TENM3: variants seen among roughly 807,000 people sequenced by gnomAD.
TENM3 encodes the protein teneurin transmembrane protein 3.
A neutral mutation model predicts 255.1 loss-of-function variants in TENM3; 63 were observed. The ratio of observed to expected loss-of-function variants is 0.25; its 90% CI spans 0.20 to 0.30. The LOEUF (loss-of-function observed/expected upper bound fraction) is 0.30, where lower values mean the gene tolerates loss of function less well. TENM3 is among the 10% of genes least tolerant of loss of function. TENM3 has a pLI of 1.00. For synonymous variants in TENM3, 1,306 were observed against 1,322.3 expected, an observed-to-expected ratio of 0.99 and a Z score of 0.27; for missense variants, 2,929 against 3,461.1, an observed-to-expected ratio of 0.85 and a Z score of 3.86.
intron 1 of TENM3, chr4:182,190,455 A>G (rs1753442959): frequency 6.6e-6 from 1 of 152,188 alleles, no homozygotes; most frequent in African/African-American, 2.4e-5. Context: ...TCATTCAGTG[A>G]GGTTAGAATT....
the TENM3 span, among the ~76,000 whole-genome samples, chr4:181,863,817 C>T: frequency 6.6e-6 from 1 of 152,008 alleles, no homozygotes; most frequent in South Asian, 2.1e-4. Flanking sequence ...GAAAAAGACC[C>T]CATAGTAACA....
chr4:182,146,880 T>C (rs1024839345), intron 1 of TENM3, among the ~76,000 whole-genome samples: 1 of 152,208 alleles, frequency 6.6e-6, no homozygotes, highest in African/African-American at 2.4e-5. Context: ...TGCATGGCTG[T>C]GTTTATTTTC....
chr4:182,485,966 C>T (rs1257777301), intron 3 of TENM3, among the ~76,000 whole-genome samples: 1 of 152,044 alleles, frequency 6.6e-6, no homozygotes, highest in Admixed American at 6.6e-5. Context: ...GAGGAAATCA[C>T]GTTTAAGCTG....
chr4:181,527,865 T>C, the TENM3 span, among the ~76,000 whole-genome samples: 2 of 152,100 alleles, frequency 1.3e-5, no homozygotes, highest in African/African-American at 4.8e-5. Context: ...ATAAAGCAGT[T>C]TGTAAATTAC....
chr4:182,114,358 A>C, the TENM3 span, among the ~76,000 whole-genome samples: 1 of 151,216 alleles, frequency 6.6e-6, no homozygotes, highest in Non-Finnish European at 1.5e-5. Context: ...TAAACCACTC[A>C]AAATATTAAT....
At chr4:181,980,818 T>C in the TENM3 span, among the ~76,000 whole-genome samples, 1 of 152,256 alleles carries the variant, frequency 6.6e-6, no homozygotes, top group South Asian at 2.1e-4. Context: ...GCTTCTCATC[T>C]TTTGCAAAAT....
At chr4:181,856,068 AAAGG>A in the TENM3 span, among the ~76,000 whole-genome samples, 6 of 34,860 alleles carry the variant, frequency 1.7e-4, no homozygotes, top group East Asian at 2.3e-3. Context: ...AGAAGGAAGG[AAAGG>A]AAGAAGGAAG....
chr4:181,562,586 T>C, the TENM3 span, among the ~76,000 whole-genome samples: 40 of 152,256 alleles, frequency 2.6e-4, no homozygotes, highest in East Asian at 7.2e-3. Flanking sequence ...TGCCCTTATC[T>C]TCAGAATCAA....
the TENM3 span, among the ~76,000 whole-genome samples, chr4:181,901,903 G>A: frequency 6.6e-6 from 1 of 151,828 alleles, no homozygotes; most frequent in African/African-American, 2.4e-5. Flanking sequence ...AACTGCAAAA[G>A]GATTATTTAG....
chr4:182,152,666 T>A (rs972414417), intron 1 of TENM3, among the ~76,000 whole-genome samples: 1 of 151,902 alleles, frequency 6.6e-6, no homozygotes, highest in Non-Finnish European at 1.5e-5. Context: ...CGATTTTTAC[T>A]AATTTAAAAA....
At chr4:181,836,741 G>A in the TENM3 span, among the ~76,000 whole-genome samples, 1 of 152,054 alleles carries the variant, frequency 6.6e-6, no homozygotes, top group Non-Finnish European at 1.5e-5. Flanking sequence ...GGATATTCCT[G>A]GGATTTTGCA....
At chr4:181,546,812 T>G in the TENM3 span, among the ~76,000 whole-genome samples, 1 of 151,958 alleles carries the variant, frequency 6.6e-6, no homozygotes, top group African/African-American at 2.4e-5. Flanking sequence ...TTTTTCCCCA[T>G]GTCTCCAACC....
chr4:182,711,939 A>C (rs1057438850), intron 12 of TENM3, among the ~76,000 whole-genome samples: 1 of 152,034 alleles, frequency 6.6e-6, no homozygotes, highest in African/African-American at 2.4e-5. Flanking sequence ...AATTCAGCTT[A>C]ATGAGCTTTA....
At position 182,471,021 on chromosome 4, in the gene TENM3, T is replaced by C. The variant is rs567647832; in HGVS notation, c.511+124092T>C. On this transcript the variant is annotated intron_variant, in intron 3 of 27. Transcript: ENST00000511685. ...ACGTCCGTCAATGTGAATACAATTA[T>C]ATTTGCCTCGAATTTTATTTGCATT... 3.4e-4 allele frequency among the ~76,000 whole-genome samples: 52 copies of C among 152,338 alleles called. No individual in the cohort carries two copies. The South Asian group carries it at 4.1e-3, about 12-fold the overall frequency.
intron 1 of TENM3, among the ~76,000 whole-genome samples, chr4:182,185,458 T>C (rs1470842345): frequency 6.6e-6 from 1 of 152,242 alleles, no homozygotes; most frequent in Non-Finnish European, 1.5e-5. Flanking sequence ...TTGGCTTTTA[T>C]GAATTTAAGC....
chr4:182,638,445 A>G (rs1581179379), intron 5 of TENM3, among the ~76,000 whole-genome samples: 2 of 152,144 alleles, frequency 1.3e-5, no homozygotes, highest in African/African-American at 2.4e-5. Flanking sequence ...TCTCATTTTC[A>G]TGATTGAGTT....
intron 5 of TENM3, among the ~76,000 whole-genome samples, chr4:182,652,411 C>G (rs115543858): frequency 6.6e-6 from 1 of 152,268 alleles, no homozygotes; most frequent in East Asian, 1.9e-4. Flanking sequence ...AAATAAAATA[C>G]CTCAGCAGTA....
the TENM3 span, among the ~76,000 whole-genome samples, chr4:181,582,691 G>GA: frequency 6.7e-4 from 95 of 142,270 alleles, no homozygotes; most frequent in African/African-American, 2.2e-3. Flanking sequence ...AAAAAAGAAA[G>GA]AAAGAAAAGA....
the TENM3 span, among the ~76,000 whole-genome samples, chr4:181,951,939 G>T: frequency 2.6e-5 from 4 of 152,240 alleles, no homozygotes; most frequent in South Asian, 8.3e-4. Flanking sequence ...GTTTTTCCAT[G>T]CTTGCTGCTT....
Sources: allele counts gnomAD v4.1 joint callset (sites outside exome capture counted in the v4.1 genomes callset), GRCh38; gene constraint gnomAD v4.1.1; transcripts MANE v1.5; gene names NCBI Gene and HGNC (gene_info 2026-07-23, HGNC 2026-07-21).